AP4S1: variants seen among roughly 807,000 people sequenced by gnomAD.
AP4S1 encodes AP-4 complex subunit sigma-1.
In AP4S1, 23 loss-of-function variants were observed where a neutral mutation model predicts 19.8. That is an observed-to-expected ratio of 1.16 (90% CI 0.84 to 1.65). AP4S1 has a LOEUF of 1.65. Among genes scored for constraint, AP4S1 ranks in the 40% most tolerant of loss-of-function variants. AP4S1 has a pLI of 0.00. For missense variants in AP4S1, 166 were observed against 172.8 expected, an observed-to-expected ratio of 0.96 and a Z score of 0.22; for synonymous variants, 46 against 54.1, an observed-to-expected ratio of 0.85 and a Z score of 0.66.
chr14:31,083,486 T>C, intron 5 of AP4S1: 1 of 442,602 alleles, frequency 2.3e-6, no homozygotes, highest in Non-Finnish European at 4.5e-6. Flanking sequence ...ACCTCTTTTC[T>C]GTTGACACTC....
chr14:31,050,014 C>T (rs1885693947), intron 1 of AP4S1, among the ~76,000 whole-genome samples: 2 of 152,166 alleles, frequency 1.3e-5, no homozygotes, highest in African/African-American at 4.8e-5. Flanking sequence ...CTCCACTTCC[C>T]AGGTTCAAGC....
At chr14:31,069,057 C>T (rs761441920) in intron 2 of AP4S1, among the ~76,000 whole-genome samples, 2 of 152,114 alleles carry the variant, frequency 1.3e-5, no homozygotes, top group South Asian at 2.1e-4. Context: ...GCTTCATTCC[C>T]AGGTGCATCC....
intron 1 of AP4S1, among the ~76,000 whole-genome samples, chr14:31,043,865 G>A (rs1040785778): frequency 4.6e-5 from 7 of 152,098 alleles, no homozygotes; most frequent in African/African-American, 1.7e-4. Context: ...ATATGGCATG[G>A]CAAAAGAATC....
intron 1 of AP4S1, among the ~76,000 whole-genome samples, chr14:31,030,556 C>T (rs1884329326): frequency 6.6e-6 from 1 of 152,070 alleles, no homozygotes; most frequent in South Asian, 2.1e-4. Flanking sequence ...ACTGTATTGC[C>T]AGGGTTGATC....
chr14:31,028,055 T>C (rs1013803959), intron 1 of AP4S1, among the ~76,000 whole-genome samples: 3 of 152,246 alleles, frequency 2.0e-5, no homozygotes, highest in Non-Finnish European at 4.4e-5. Context: ...TTTACTGTTA[T>C]TACAGTTTAA....
chr14:31,051,702 A>T (rs1477222187), intron 1 of AP4S1, among the ~76,000 whole-genome samples: 3 of 152,110 alleles, frequency 2.0e-5, no homozygotes, highest in African/African-American at 7.2e-5. Context: ...GCTGTGTCAC[A>T]CAGGCTGGAG....
chr14:31,035,543 A>G (rs1361000331), intron 1 of AP4S1, among the ~76,000 whole-genome samples: 1 of 150,636 alleles, frequency 6.6e-6, no homozygotes, highest in Non-Finnish European at 1.5e-5. Flanking sequence ...TTCCCCCAAT[A>G]TCTCAAAAAA....
intron 4 of AP4S1, among the ~76,000 whole-genome samples, chr14:31,075,762 G>A (rs563804751): frequency 2.1e-4 from 30 of 139,812 alleles, no homozygotes; most frequent in African/African-American, 7.1e-4. Flanking sequence ...TTTTTGAGAC[G>A]GAGTGTCGCT....
intron 5 of AP4S1, among the ~76,000 whole-genome samples, chr14:31,092,426 G>A (rs540872080): frequency 5.5e-4 from 84 of 152,280 alleles, no homozygotes; most frequent in Middle Eastern, 3.4e-3. Context: ...ACTATGCTTT[G>A]AACCTGTTTG....
chr14:31,071,224 T>C (rs2139060961), intron 3 of AP4S1, among the ~76,000 whole-genome samples: 1 of 152,258 alleles, frequency 6.6e-6, no homozygotes, highest in East Asian at 1.9e-4. Context: ...AACTGAAATA[T>C]TGATTTGTTG....
At chr14:31,078,309 A>G (rs953903890) in intron 4 of AP4S1, among the ~76,000 whole-genome samples, 5 of 152,216 alleles carry the variant, frequency 3.3e-5, no homozygotes, top group South Asian at 2.1e-4. Context: ...GTGCCATCCA[A>G]TACAGTAGGC....
chr14:31,042,020 AG>A (rs1319876167), intron 1 of AP4S1, among the ~76,000 whole-genome samples: 2 of 151,948 alleles, frequency 1.3e-5, no homozygotes, highest in African/African-American at 4.8e-5. Flanking sequence ...TAGTAGACAC[AG>A]GGTTTTGCCA....
intron 5 of AP4S1, among the ~76,000 whole-genome samples, chr14:31,089,977 T>C (rs1888032640): frequency 6.6e-6 from 1 of 152,212 alleles, no homozygotes; most frequent in Non-Finnish European, 1.5e-5. Flanking sequence ...TATTTATTTT[T>C]ATTTTCATTT....
chr14:31,073,897 C>G (rs768302034), intron 4 of AP4S1, among the ~76,000 whole-genome samples: 43 of 152,144 alleles, frequency 2.8e-4, no homozygotes, highest in Middle Eastern at 3.4e-3. Context: ...AAGAATCATT[C>G]CCATCCAAAC....
chr14:31,030,117 A>T (rs1426562191), intron 1 of AP4S1, among the ~76,000 whole-genome samples: 1 of 151,974 alleles, frequency 6.6e-6, no homozygotes, highest in Non-Finnish European at 1.5e-5. Flanking sequence ...AGTAGCTGGG[A>T]TGGGACCACA....
chr14:31,069,289 G>A (rs1161768024), intron 2 of AP4S1, among the ~76,000 whole-genome samples: 1 of 152,162 alleles, frequency 6.6e-6, no homozygotes, highest in Admixed American at 6.5e-5. Context: ...GCGAGATTTT[G>A]TCTAGCATCT....
intron 5 of AP4S1, chr14:31,084,775 A>C: frequency 6.2e-7 from 1 of 1,614,160 alleles, no homozygotes; most frequent in Non-Finnish European, 8.5e-7. Flanking sequence ...TTAGGAACCA[A>C]TTGATGAACT....
At chr14:31,077,854 A>C (rs1185567172) in intron 4 of AP4S1, among the ~76,000 whole-genome samples, 1 of 143,774 alleles carries the variant, frequency 7.0e-6, no homozygotes, top group African/African-American at 2.6e-5. Context: ...TCCCACCTCA[A>C]CCTCCCGAGT....
intron 1 of AP4S1, among the ~76,000 whole-genome samples, chr14:31,049,193 C>G (rs1008637180): frequency 6.6e-6 from 1 of 151,440 alleles, no homozygotes; most frequent in African/African-American, 2.4e-5. Flanking sequence ...GCGGGTGGAT[C>G]ATGAGGTCAG....
Sources: allele counts gnomAD v4.1 joint callset (sites outside exome capture counted in the v4.1 genomes callset), GRCh38; gene constraint gnomAD v4.1.1; transcripts MANE v1.5; gene names NCBI Gene and HGNC (gene_info 2026-07-23, HGNC 2026-07-21).